NSMAF: variants seen among roughly 807,000 people sequenced by gnomAD.
NSMAF encodes the protein neutral sphingomyelinase activation associated factor.
A neutral mutation model predicts 134.9 loss-of-function variants in NSMAF; 90 were observed. The observed-to-expected ratio is 0.67, with a 90% CI of 0.56 to 0.79. NSMAF has a LOEUF of 0.79. NSMAF is among the 30% of genes least tolerant of loss of function. The pLI is 0.00. For missense variants in NSMAF, 1,010 were observed against 1,119.0 expected (o/e 0.90, Z 1.39); for synonymous variants, 358 against 389.6 (o/e 0.92, Z 0.96).
intron 9 of NSMAF, among the ~76,000 whole-genome samples, chr8:58,612,546 C>T (rs1473643130): frequency 6.6e-6 from 1 of 152,104 alleles, no homozygotes; most frequent in Non-Finnish European, 1.5e-5. Flanking sequence ...TTCTAGTGAT[C>T]AAACCTAAGG....
At chr8:58,613,626 G>A (rs1161367475) in intron 9 of NSMAF, among the ~76,000 whole-genome samples, 1 of 151,454 alleles carries the variant, frequency 6.6e-6, no homozygotes, top group African/African-American at 2.4e-5. Flanking sequence ...ATGATGTTTT[G>A]GTCAATGACA....
chr8:58,637,547 A>G (rs1807205068), intron 2 of NSMAF, among the ~76,000 whole-genome samples: 1 of 152,264 alleles, frequency 6.6e-6, no homozygotes, highest in African/African-American at 2.4e-5. Flanking sequence ...TGGAAAAGTT[A>G]AACTGTCTCT....
chr8:58,635,899 C>A (rs973663090), intron 2 of NSMAF, among the ~76,000 whole-genome samples: 6 of 152,162 alleles, frequency 3.9e-5, no homozygotes, highest in African/African-American at 1.4e-4. Context: ...TCATCCCACC[C>A]CAGAGTAACA....
chr8:58,594,269 G>A lies in NSMAF; in HGVS notation c.1914C>T (p.Val638=), dbSNP rs1196342461. Residue 638 remains valine, a synonymous_variant, in exon 23 of 31, where the codon GTC becomes GTT. Coordinates refer to ENST00000038176, the MANE Select transcript of NSMAF (RefSeq NM_003580.4). Reference sequence around the variant, plus strand: ...TGAATACTGAAGATCCATTGCGAGAGACCGTGATTCCAGTAACTGCTCTGC... The same window carrying A: ...TGAATACTGAAGATCCATTGCGAGAAACCGTGATTCCAGTAACTGCTCTGC... ...IHKEAVTGIT[V]SRNGSSVFTT... The A allele has an allele frequency of 6.2e-7, 1 of 1,614,180 alleles. No individual in the cohort carries two copies. The highest frequency in any genetic ancestry group is 1.1e-5 in the South Asian group (1 of 91,088).
rs1178515985 is a variant in NSMAF at position 58,597,383 on chromosome 8, T to C, written c.1792+4A>G. ...CTCACGTTTATTCTCTTTACAAAAT[T>C]TACCTGGGGAATCTGCCATAGAAGC... On this transcript the variant is annotated splice_donor_region_variant and intron_variant, in intron 21 of 30. Transcript: ENST00000038176. The C allele has an allele frequency of 6.2e-7, 1 of 1,612,068 alleles. No homozygotes were observed. Among genetic ancestry groups the C allele is most frequent in the African/African-American group, 1.3e-5 (1 of 74,776 alleles).
intron 21 of NSMAF, 81 bp downstream of exon 21, chr8:58,597,306 G>A (rs765024528): frequency 1.1e-5 from 14 of 1,260,600 alleles, no homozygotes; most frequent in Non-Finnish European, 1.6e-5. Flanking sequence ...AACAGTATAC[G>A]TCTTATCTCC....
intron 1 of NSMAF, among the ~76,000 whole-genome samples, chr8:58,656,549 G>A (rs1407998149): frequency 1.3e-5 from 2 of 152,062 alleles, no homozygotes; most frequent in Non-Finnish European, 2.9e-5. Flanking sequence ...TATAAGGGCC[G>A]GGCACGGTGG....
intron 1 of NSMAF, among the ~76,000 whole-genome samples, chr8:58,650,198 A>G (rs968024238): frequency 2.0e-5 from 3 of 152,220 alleles, no homozygotes; most frequent in Non-Finnish European, 4.4e-5. Context: ...TCATAAATCA[A>G]TGTTACACCT....
intron 6 of NSMAF, among the ~76,000 whole-genome samples, chr8:58,628,481 C>T (rs1806986330): frequency 6.6e-6 from 1 of 152,294 alleles, no homozygotes; most frequent in East Asian, 1.9e-4. Context: ...TCTCAAATTA[C>T]ATCCATTTAT....
intron 1 of NSMAF, among the ~76,000 whole-genome samples, chr8:58,658,430 C>G (rs1807771112): frequency 6.6e-6 from 1 of 152,226 alleles, no homozygotes; most frequent in African/African-American, 2.4e-5. Flanking sequence ...ACATTTCGTA[C>G]TGTGGACACA....
chr8:58,652,091 C>T (rs1200203064), intron 1 of NSMAF, among the ~76,000 whole-genome samples: 1 of 151,996 alleles, frequency 6.6e-6, no homozygotes, highest in Non-Finnish European at 1.5e-5. Flanking sequence ...TTTGTTCTAG[C>T]CTTAGTTCAG....
At chr8:58,622,856 C>CT (rs1370923723) in intron 9 of NSMAF, among the ~76,000 whole-genome samples, 2 of 152,016 alleles carry the variant, frequency 1.3e-5, no homozygotes, top group Non-Finnish European at 1.5e-5. Context: ...TATTTTAAAA[C>CT]AATGTCAGGT....
chr8:58,595,752 A>G, intron 21 of NSMAF, 93 bp from the exon 22 acceptor site: 1 of 778,272 alleles, frequency 1.3e-6, no homozygotes, highest in Non-Finnish European at 2.2e-6. Flanking sequence ...AAATCAAACA[A>G]CTAAGAAATG....
chr8:58,659,081 C>G (rs1287794009), intron 1 of NSMAF: 235 of 586,596 alleles, frequency 4.0e-4, no homozygotes, highest in East Asian at 8.8e-4. Context: ...AGTGGGTGGT[C>G]GCCGGCCTGC....
At chr8:58,593,791 C>T (rs1293850950) in intron 23 of NSMAF, among the ~76,000 whole-genome samples, 3 of 152,166 alleles carry the variant, frequency 2.0e-5, no homozygotes, top group Non-Finnish European at 4.4e-5. Flanking sequence ...TGATTTTGAG[C>T]TAAATCAAAT....
intron 19 of NSMAF, 112 bp from the exon 20 acceptor site, chr8:58,598,014 A>G (rs1255455421): frequency 1.9e-5 from 15 of 779,592 alleles, no homozygotes; most frequent in African/African-American, 3.5e-5. Flanking sequence ...AGAAATTGCT[A>G]TTCACTTTGC....
intron 9 of NSMAF, among the ~76,000 whole-genome samples, chr8:58,613,769 A>G (rs183676684): frequency 2.0e-3 from 310 of 152,292 alleles, no homozygotes; most frequent in Non-Finnish European, 3.5e-3. Flanking sequence ...TCCTTATTCA[A>G]AACACTTGGG....
In NSMAF at chr8:58,601,546, GA is replaced by G. The variant is rs33942423; in HGVS notation, c.1126-12del. 8,370 of 1,429,450 alleles carry G rather than the reference GA, an allele frequency of 5.9e-3. 1 individual carries two copies. Among genetic ancestry groups the G allele is most frequent in the East Asian group, 0.013 (507 of 38,384 alleles). 88.5% of individuals were successfully genotyped at this position (1,429,450 alleles called of 1,614,324 possible). ...TTCCTGGTAGCGTGTCTAGAATACA[GA>G]AAAAAAAAAAAAATAGAGCTAAGTG... On this transcript the variant is annotated splice_polypyrimidine_tract_variant and intron_variant, in intron 14 of 30. Coordinates refer to ENST00000038176, the MANE Select transcript of NSMAF (RefSeq NM_003580.4).
rs536152027 is a variant in NSMAF at position 58,631,576 on chromosome 8, T to C, written c.334-30A>G. 8.7e-6 allele frequency: 11 copies of C among 1,265,178 alleles called. No homozygotes were observed. In the East Asian group the frequency reaches 2.2e-4, roughly 26 times the overall value. The allele number at this position is 1,265,178 out of a possible 1,614,324, so 78.4% of individuals were successfully genotyped here. On this transcript the variant is annotated intron_variant, in intron 5 of 30. Coordinates refer to ENST00000038176, the MANE Select transcript of NSMAF (RefSeq NM_003580.4). ...GCAAGAAAAAGCAATACTTGTAAAA[T>C]AATAACCAAAATGTTTCATTGTAAA...
Sources: allele counts gnomAD v4.1 joint callset (sites outside exome capture counted in the v4.1 genomes callset), GRCh38; gene constraint gnomAD v4.1.1; transcripts MANE v1.5; gene names NCBI Gene and HGNC (gene_info 2026-07-23, HGNC 2026-07-21).